Variants in NRG1 observed in about 807,000 individuals in gnomAD.
NRG1 encodes neuregulin 1.
In NRG1, 18 loss-of-function variants were observed where a neutral mutation model predicts 63.8. That is an observed-to-expected ratio of 0.28 (90% CI 0.19 to 0.42). The LOEUF is 0.42. Among genes scored for constraint, NRG1 ranks in the 10% least tolerant of loss-of-function variants. The pLI, the probability that NRG1 is intolerant of heterozygous loss-of-function variation, is 1.00. For missense variants in NRG1, 762 were observed against 814.7 expected (o/e 0.94, Z 0.79); for synonymous variants, 302 against 301.3 (o/e 1.00, Z -0.02).
intron 1 of NRG1, among the ~76,000 whole-genome samples, chr8:31,734,830 G>GT (rs914005720): frequency 1.3e-5 from 2 of 152,046 alleles, no homozygotes; most frequent in African/African-American, 2.4e-5. Flanking sequence ...CTCCTCTCCT[G>GT]TTTTTTTATT....
intron 1 of NRG1, among the ~76,000 whole-genome samples, chr8:31,856,437 T>A (rs1585292866): frequency 6.6e-6 from 1 of 152,242 alleles, no homozygotes; most frequent in Non-Finnish European, 1.5e-5. Context: ...CTTCACGTAG[T>A]TCTCGAGCCT....
At chr8:32,275,812 C>G (rs1852041885) in intron 1 of NRG1, among the ~76,000 whole-genome samples, 1 of 151,784 alleles carries the variant, frequency 6.6e-6, no homozygotes, top group African/African-American at 2.4e-5. Flanking sequence ...CCAGATGATG[C>G]CCCTGCCTCT....
chr8:31,757,030 C>T (rs1817036898), intron 1 of NRG1, among the ~76,000 whole-genome samples: 1 of 152,110 alleles, frequency 6.6e-6, no homozygotes, highest in Non-Finnish European at 1.5e-5. Context: ...CTTGCAATTG[C>T]AAAGTTATAG....
chr8:31,744,403 C>T lies in NRG1; in HGVS notation c.37+104972C>T, dbSNP rs573687689. Among the ~76,000 whole-genome samples, 3 of 152,120 alleles carry T rather than the reference C, an allele frequency of 2.0e-5. No homozygotes were observed. The East Asian group carries it at 5.8e-4, about 30-fold the overall frequency. ...AACTTATTTCTTCCTTTAAAATGTC[C>T]TAGACACCTTATTGTCACCTCTTGG... On this transcript the variant is annotated intron_variant, in intron 1 of 10. Coordinates refer to the NRG1 transcript ENST00000519301.
At position 32,508,334 on chromosome 8, in the gene NRG1, G is replaced by A. The variant is rs994631933; in HGVS notation, c.38-87494G>A. On this transcript the variant is annotated intron_variant, in intron 1 of 10. Coordinates refer to the NRG1 transcript ENST00000519301. ...GAGACAGAGTTTCACACTGTCGCCC[G>A]GGCTGGAGTGTAGTGGTGCGATCGC... Among the ~76,000 whole-genome samples the A allele has an allele frequency of 5.3e-5, 8 of 151,546 alleles. No individual in the cohort carries two copies. In the South Asian group the frequency reaches 1.1e-3, roughly 20 times the overall value.
intron 1 of NRG1, among the ~76,000 whole-genome samples, chr8:32,127,916 ATAGT>A (rs1484795381): frequency 6.6e-6 from 1 of 151,916 alleles, no homozygotes; most frequent in Non-Finnish European, 1.5e-5. Flanking sequence ...CCTGAGCAAC[ATAGT>A]TAGACCCCAT....
At chr8:32,524,311 C>T (rs1376837700) in intron 1 of NRG1, among the ~76,000 whole-genome samples, 1 of 152,028 alleles carries the variant, frequency 6.6e-6, no homozygotes, top group Non-Finnish European at 1.5e-5. Context: ...TTTATCCTCC[C>T]TAGTTGCTAA....
chr8:31,813,790 G>A (rs1255306304), intron 1 of NRG1, among the ~76,000 whole-genome samples: 6 of 152,002 alleles, frequency 3.9e-5, no homozygotes, highest in Non-Finnish European at 2.9e-5. Flanking sequence ...GCCTCCCAGA[G>A]TGCGGGGATT....
At chr8:32,548,874 C>G in intron 1 of NRG1, 48 bp downstream of exon 1, 1 of 1,512,940 alleles carries the variant, frequency 6.6e-7, no homozygotes, top group Non-Finnish European at 8.8e-7. Context: ...TCCTGCTCCT[C>G]CTACTCCTCC....
chr8:32,188,856 TG>T (rs1160907461), intron 1 of NRG1, among the ~76,000 whole-genome samples: 1 of 152,004 alleles, frequency 6.6e-6, no homozygotes, highest in Non-Finnish European at 1.5e-5. Flanking sequence ...ATATACCTAA[TG>T]CTAAATGATG....
chr8:32,762,164 A>G (rs1259141894), intron 11 of NRG1, among the ~76,000 whole-genome samples: 6 of 152,162 alleles, frequency 3.9e-5, no homozygotes, highest in Non-Finnish European at 8.8e-5. Context: ...TTTCCCTGCA[A>G]CCAATCTATG....
chr8:32,046,222 G>A (rs1415776518), intron 1 of NRG1, among the ~76,000 whole-genome samples: 1 of 151,992 alleles, frequency 6.6e-6, no homozygotes, highest in Non-Finnish European at 1.5e-5. Flanking sequence ...TTAGGGAAAT[G>A]CAACTAAAAT....
chr8:32,263,411 G>A (rs537586241), intron 1 of NRG1, among the ~76,000 whole-genome samples: 4 of 152,278 alleles, frequency 2.6e-5, no homozygotes, highest in East Asian at 1.9e-4. Flanking sequence ...CCAGGAAAGC[G>A]TGGGGCACTG....
intron 2 of NRG1, among the ~76,000 whole-genome samples, chr8:32,599,118 A>T (rs1843872461): frequency 6.6e-6 from 1 of 152,116 alleles, no homozygotes; most frequent in Non-Finnish European, 1.5e-5. Context: ...TGGCATGCTT[A>T]GGATAATGTC....
chr8:32,031,329 A>G lies in NRG1; in HGVS notation c.37+391898A>G, dbSNP rs114500173. Among the ~76,000 whole-genome samples the G allele has an allele frequency of 8.2e-3, 1,255 of 152,272 alleles. 19 individuals carry two copies. The highest frequency in any genetic ancestry group is 0.029 in the African/African-American group (1,194 of 41,528). ...CATTCTTTAGTTTTTGACTTTGTAT[A>G]ACTGAAGCTTCTCCTGGGATGATGC... On this transcript the variant is annotated intron_variant, in intron 1 of 10. Coordinates refer to the NRG1 transcript ENST00000519301.
chr8:31,860,297 T>A (rs1484652553), intron 1 of NRG1, among the ~76,000 whole-genome samples: 1 of 152,222 alleles, frequency 6.6e-6, no homozygotes, highest in East Asian at 1.9e-4. Context: ...TGTATGATGA[T>A]CATAGCTGCT....
chr8:32,118,552 T>A (rs181907239), intron 1 of NRG1, among the ~76,000 whole-genome samples: 91 of 152,262 alleles, frequency 6.0e-4, no homozygotes, highest in African/African-American at 2.2e-3. Flanking sequence ...GGTATTCTTT[T>A]ATAGCAATAC....
chr8:31,809,741 GTTT>G (rs753730069), intron 1 of NRG1, among the ~76,000 whole-genome samples: 32 of 68,028 alleles, frequency 4.7e-4, no homozygotes, highest in African/African-American at 2.0e-3. Flanking sequence ...TCTATTAATT[GTTT>G]TTTTTTTTTT....
At chr8:32,684,375 G>T (rs1172590561) in intron 5 of NRG1, among the ~76,000 whole-genome samples, 1 of 152,098 alleles carries the variant, frequency 6.6e-6, no homozygotes, top group Non-Finnish European at 1.5e-5. Flanking sequence ...ATTAAAATAA[G>T]ATGATTCTCC....
Sources: gnomAD v4.1 joint callset for allele counts (sites outside exome capture counted in the v4.1 genomes callset) on GRCh38, gnomAD v4.1.1 for gene constraint, MANE v1.5 for transcripts, NCBI Gene and HGNC (gene_info 2026-07-23, HGNC 2026-07-21) for gene names.